Variants in OR1J2 observed in about 807,000 individuals in gnomAD.
OR1J2 encodes olfactory receptor family 1 subfamily J member 2.
For missense variants in OR1J2, 304 were observed against 246.1 expected (o/e 1.24, Z -1.57); for synonymous variants, 142 against 99.7 (o/e 1.42, Z -2.52).
the OR1J2 span, among the ~76,000 whole-genome samples, chr9:122,480,714 G>A: frequency 6.6e-6 from 1 of 151,984 alleles, no homozygotes; most frequent in African/African-American, 2.4e-5. Context: ...TCATCACCCA[G>A]GTATTAAGCT....
chr9:122,557,884 C>A, the OR1J2 span, among the ~76,000 whole-genome samples: 1 of 151,956 alleles, frequency 6.6e-6, no homozygotes, highest in African/African-American at 2.4e-5. Context: ...GAGTTAATTT[C>A]TTTAATAGAA....
chr9:122,453,589 G>C, the OR1J2 span, among the ~76,000 whole-genome samples: 398 of 152,258 alleles, frequency 2.6e-3, 1 homozygote, highest in African/African-American at 9.2e-3. Flanking sequence ...CAGTTCCCAG[G>C]GGCTGTTCAG....
the OR1J2 span, among the ~76,000 whole-genome samples, chr9:122,547,405 G>C: frequency 6.6e-6 from 1 of 152,014 alleles, no homozygotes; most frequent in East Asian, 1.9e-4. Context: ...TAAACTTAGA[G>C]GATACAAGTG....
chr9:122,540,780 C>G, the OR1J2 span, among the ~76,000 whole-genome samples: 1 of 152,176 alleles, frequency 6.6e-6, no homozygotes, highest in Admixed American at 6.5e-5. Flanking sequence ...TTTGTATCCT[C>G]TTTTATTTCC....
At chr9:122,518,085 A>AGT in the OR1J2 span, among the ~76,000 whole-genome samples, 1 of 152,196 alleles carries the variant, frequency 6.6e-6, no homozygotes, top group Non-Finnish European at 1.5e-5. Context: ...TATTCCCAAT[A>AGT]GCAAAGACAT....
the OR1J2 span, among the ~76,000 whole-genome samples, chr9:122,502,423 C>T: frequency 1.3e-5 from 2 of 152,224 alleles, no homozygotes; most frequent in African/African-American, 4.8e-5. Context: ...CTTGATTCCC[C>T]TTACTTTGTT....
chr9:122,526,661 G>A, the OR1J2 span: 4 of 1,614,182 alleles, frequency 2.5e-6, no homozygotes, highest in South Asian at 1.1e-5. Context: ...AGGTGACAAT[G>A]CATAAAAAGG....
chr9:122,486,588 A>G, the OR1J2 span, among the ~76,000 whole-genome samples: 880 of 152,384 alleles, frequency 5.8e-3, 7 homozygotes, highest in Non-Finnish European at 8.6e-3. Flanking sequence ...GCAATCATTC[A>G]TTAATCACAT....
the OR1J2 span, among the ~76,000 whole-genome samples, chr9:122,465,052 A>G: frequency 6.6e-6 from 1 of 152,182 alleles, no homozygotes; most frequent in African/African-American, 2.4e-5. Flanking sequence ...CTCAAAAGGT[A>G]GGCACGAGTT....
chr9:122,550,509 G>A, the OR1J2 span, among the ~76,000 whole-genome samples: 3 of 150,286 alleles, frequency 2.0e-5, no homozygotes, highest in African/African-American at 7.3e-5. Context: ...TAAAATACTA[G>A]CAAACTGAAT....
At chr9:122,501,386 C>T in the OR1J2 span, among the ~76,000 whole-genome samples, 1 of 152,258 alleles carries the variant, frequency 6.6e-6, no homozygotes. Context: ...CCAATCACCA[C>T]CCACCACAGG....
At chr9:122,477,810 C>A in the OR1J2 span, 2 of 1,613,966 alleles carry the variant, frequency 1.2e-6, no homozygotes, top group Non-Finnish European at 1.7e-6. Flanking sequence ...GGTTCCCCAG[C>A]ACCGTGGTCA....
At chr9:122,579,066 GAAGAA>G in the OR1J2 span, among the ~76,000 whole-genome samples, 6 of 151,676 alleles carry the variant, frequency 4.0e-5, no homozygotes, top group South Asian at 1.0e-3. Flanking sequence ...CATTAAAAAA[GAAGAA>G]AGAAAAATAC....
At chr9:122,504,892 C>T in the OR1J2 span, among the ~76,000 whole-genome samples, 4 of 152,230 alleles carry the variant, frequency 2.6e-5, 1 homozygote, top group South Asian at 4.1e-4. Context: ...TCCCAGTGCA[C>T]CAAGTGTCTG....
chr9:122,466,654 T>G, the OR1J2 span, among the ~76,000 whole-genome samples: 3 of 152,204 alleles, frequency 2.0e-5, no homozygotes, highest in Non-Finnish European at 4.4e-5. Context: ...TCCAGATGGC[T>G]GGAAGAGAGA....
At chr9:122,481,298 T>C in the OR1J2 span, among the ~76,000 whole-genome samples, 5 of 152,308 alleles carry the variant, frequency 3.3e-5, no homozygotes, top group South Asian at 1.0e-3. Context: ...GTAAAGCGCA[T>C]TTCTTAATCA....
chr9:122,553,985 T>A, the OR1J2 span: 1 of 1,613,756 alleles, frequency 6.2e-7, no homozygotes. Context: ...ATGGGTCTCT[T>A]ATGGGTGTGT....
chr9:122,477,631 GAAATGCATCCCTTGT>G, the OR1J2 span: 3 of 1,614,112 alleles, frequency 1.9e-6, no homozygotes, highest in African/African-American at 2.7e-5. Context: ...ATATGTCTGT[GAAATGCATCCCTTGT>G]AAAAGACGGC....
the OR1J2 span, among the ~76,000 whole-genome samples, chr9:122,542,933 G>A: frequency 6.6e-5 from 10 of 152,246 alleles, no homozygotes; most frequent in South Asian, 4.1e-4. Flanking sequence ...CCACGTTGTG[G>A]TGTATGTCAG....
Sources: gnomAD v4.1 joint callset for allele counts (sites outside exome capture counted in the v4.1 genomes callset) on GRCh38, gnomAD v4.1.1 for gene constraint, MANE v1.5 for transcripts, NCBI Gene and HGNC (gene_info 2026-07-23, HGNC 2026-07-21) for gene names.